The following NIM1K variants were observed in gnomAD, a reference collection of about 807,000 sequenced individuals.
NIM1K encodes the protein NIM1 serine/threonine protein kinase.
A neutral mutation model predicts 37.1 loss-of-function variants in NIM1K; 35 were observed. That is an observed-to-expected ratio of 0.94 (90% CI 0.72 to 1.25). NIM1K has a LOEUF of 1.25. Ranked by LOEUF, NIM1K falls within the 50% of genes most tolerant of loss-of-function variation. The probability of loss-of-function intolerance (pLI) is 0.00; values close to 1 mark genes in which losing one functional copy is unlikely to be tolerated. For missense variants in NIM1K, 564 were observed against 548.0 expected, an observed-to-expected ratio of 1.03 and a Z score of -0.29; for synonymous variants, 234 against 206.6, an observed-to-expected ratio of 1.13 and a Z score of -1.14.
At chr5:43,232,670 G>T (rs1237818312) in intron 1 of NIM1K, 101 of 1,527,640 alleles carry the variant, frequency 6.6e-5, no homozygotes, top group Non-Finnish European at 8.4e-5. Flanking sequence ...ATGGAGAACT[G>T]CAGCTTGGAC....
At chr5:43,274,444 AG>A (rs550793055) in intron 2 of NIM1K, among the ~76,000 whole-genome samples, 92 of 152,328 alleles carry the variant, frequency 6.0e-4, no homozygotes, top group African/African-American at 2.1e-3. Context: ...AGGAAATCGA[AG>A]GGTGGAATTC....
In NIM1K at chr5:43,280,356, G is replaced by T; in HGVS notation, c.938G>T (p.Arg313Met). 1.2e-6 allele frequency: 2 copies of T among 1,614,148 alleles called. No homozygotes were observed. Among genetic ancestry groups the T allele is most frequent in the Non-Finnish European group, 8.5e-7 (1 of 1,180,050 alleles). Residue 313 changes from arginine to methionine, a missense_variant, in exon 4 of 4, where the codon AGG becomes ATG. By Grantham distance (91) the Arg-to-Met change is moderately conservative (BLOSUM62 -1). Coordinates refer to ENST00000326035, the MANE Select transcript of NIM1K (RefSeq NM_153361.4). ...RGVLQQIPTE[R>M]YGIDCIMNDE... ...GTCCTTCAGCAGATCCCCACGGAGA[G>T]GTACGGAATCGACTGCATCATGAAT...
rs1753353460 is a variant in NIM1K at position 43,277,103 on chromosome 5, A to G, written c.339A>G (p.Lys113=). The change falls in exon 3 of 4, where the codon AAA becomes AAG. Residue 113 remains lysine (K), a synonymous_variant. Coordinates refer to ENST00000326035, the MANE Select transcript of NIM1K (RefSeq NM_153361.4). ...KILDKTKLDQ[K]TQRLLSREIS... ...TGGACAAGACCAAGTTAGACCAGAA[A>G]ACCCAGAGGCTACTATCCCGAGAAA... is the stretch of plus-strand genomic sequence containing the variant. 4.3e-6 allele frequency: 7 copies of G among 1,614,012 alleles called. No homozygotes were observed. In the East Asian group the frequency reaches 1.6e-4, roughly 36 times the overall value.
chr5:43,221,877 G>A (rs113711903), intron 1 of NIM1K, among the ~76,000 whole-genome samples: 151 of 152,318 alleles, frequency 9.9e-4, no homozygotes, highest in African/African-American at 3.3e-3. Flanking sequence ...AATCTTAACC[G>A]ATACAAGTAG....
At chr5:43,203,895 A>G (rs1370434172) in intron 1 of NIM1K, among the ~76,000 whole-genome samples, 2 of 151,626 alleles carry the variant, frequency 1.3e-5, no homozygotes, top group Non-Finnish European at 2.9e-5. Flanking sequence ...GCATGGTGGC[A>G]GGCACCTATA....
chr5:43,268,767 G>A (rs55820064), intron 2 of NIM1K, among the ~76,000 whole-genome samples: 33,473 of 151,814 alleles, frequency 0.22, 3,803 homozygotes, highest in African/African-American at 0.25. Flanking sequence ...CTGAGTTTTG[G>A]GAAAGATTAT....
At chr5:43,233,126 C>T (rs771004279) in intron 1 of NIM1K, 54 of 1,332,162 alleles carry the variant, frequency 4.1e-5, no homozygotes, top group Non-Finnish European at 5.6e-5. Context: ...CAGGCATTGC[C>T]AACCTGGACA....
rs932392165 is a variant in NIM1K at position 43,192,285 on chromosome 5, A to C, written c.-821A>C. On this transcript the variant is annotated 5_prime_UTR_variant, in exon 1 of 4. Transcript: ENST00000326035. ...CGCCCCTGACAGCTCCGGGAGCCTC[A>C]AGCGCGACAGCGGCGCCCTCACCTC... 1.3e-5 allele frequency: 2 copies of C among 152,510 alleles called. No individual in the cohort carries two copies. The highest frequency in any genetic ancestry group is 4.8e-5 in the African/African-American group (2 of 41,452). 9.4% of individuals were successfully genotyped at this position (152,510 alleles called of 1,614,324 possible).
chr5:43,214,817 AAAAAAAAAAAAAAAC>A (rs1752275383), intron 1 of NIM1K, among the ~76,000 whole-genome samples: 2 of 141,956 alleles, frequency 1.4e-5, no homozygotes, highest in South Asian at 4.5e-4. Context: ...CCGTCTCAAA[AAAAAAAAAAAAAAAC>A]AAAAAAGAAA....
chr5:43,205,971 C>CA (rs1452993048), intron 1 of NIM1K, among the ~76,000 whole-genome samples: 1 of 152,102 alleles, frequency 6.6e-6, no homozygotes, highest in Non-Finnish European at 1.5e-5. Flanking sequence ...CTCGACCTCC[C>CA]AAAGTGCTGG....
At chr5:43,196,500 T>C (rs1164181353) in intron 1 of NIM1K, among the ~76,000 whole-genome samples, 1 of 148,422 alleles carries the variant, frequency 6.7e-6, no homozygotes, top group Non-Finnish European at 1.5e-5. Context: ...CCAGGTGTGG[T>C]GGTGGGCGCC....
intron 1 of NIM1K, chr5:43,232,706 G>A (rs1295840547): frequency 9.1e-6 from 13 of 1,433,068 alleles, no homozygotes; most frequent in Non-Finnish European, 1.2e-5. Flanking sequence ...ACCGGGAGTT[G>A]TTCCATGAGC....
At chr5:43,234,694 G>A (rs528644975) in intron 1 of NIM1K, among the ~76,000 whole-genome samples, 36 of 152,270 alleles carry the variant, frequency 2.4e-4, no homozygotes, top group African/African-American at 8.7e-4. Flanking sequence ...GAATGCAGTG[G>A]CGCGATCTTG....
At chr5:43,226,693 A>T (rs1306577853) in intron 1 of NIM1K, among the ~76,000 whole-genome samples, 1 of 152,246 alleles carries the variant, frequency 6.6e-6, no homozygotes, top group African/African-American at 2.4e-5. Flanking sequence ...TAATGCACTC[A>T]GCATGATGCC....
At chr5:43,205,861 A>C (rs963930828) in intron 1 of NIM1K, among the ~76,000 whole-genome samples, 12 of 152,000 alleles carry the variant, frequency 7.9e-5, no homozygotes, top group South Asian at 2.1e-4. Context: ...TACAGGTGCC[A>C]GCCACCACGC....
At chr5:43,233,141 C>T (rs1752566422) in intron 1 of NIM1K, 1 of 1,327,484 alleles carries the variant, frequency 7.5e-7, no homozygotes. Context: ...TGGACACCAG[C>T]CTGGCCAATG....
At chr5:43,207,041 G>A in intron 1 of NIM1K, 1 of 734,052 alleles carries the variant, frequency 1.4e-6, no homozygotes, top group East Asian at 2.5e-5. Flanking sequence ...GTTCGAGGAG[G>A]AGCCATCAAC....
At position 43,239,500 on chromosome 5, in the gene NIM1K, A is replaced by G. The variant is rs185820094; in HGVS notation, c.-694-5582A>G. ...TGATCCGCCTGCCTTGGCCTCCCAA[A>G]GTGTTGGGATTATAGGCGTGAGCCA... On this transcript the variant is annotated intron_variant, in intron 1 of 3. Transcript: ENST00000326035. 6.9e-5 allele frequency among the ~76,000 whole-genome samples: 10 copies of G among 144,702 alleles called. No individual in the cohort carries two copies. In the Admixed American group the frequency reaches 7.1e-4, roughly 10 times the overall value. The allele number at this position is 144,702 out of a possible 152,430, so 94.9% of individuals were successfully genotyped here.
chr5:43,267,010 T>C (rs1202726236), intron 2 of NIM1K, among the ~76,000 whole-genome samples: 2 of 152,212 alleles, frequency 1.3e-5, no homozygotes, highest in African/African-American at 4.8e-5. Flanking sequence ...TTTTGAATAA[T>C]CTCAATAGTA....
Sources: allele counts gnomAD v4.1 joint callset (sites outside exome capture counted in the v4.1 genomes callset), GRCh38; gene constraint gnomAD v4.1.1; transcripts MANE v1.5; gene names NCBI Gene and HGNC (gene_info 2026-07-23, HGNC 2026-07-21).